Variants in PLA2G5 observed in about 807,000 individuals in gnomAD.
PLA2G5 encodes phospholipase A2 group V, also known as Ca2+-dependent phospholipase A2.
A neutral mutation model predicts 15.9 loss-of-function variants in PLA2G5; 12 were observed. The ratio of observed to expected loss-of-function variants is 0.76; its 90% confidence interval spans 0.48 to 1.23. The LOEUF (loss-of-function observed/expected upper bound fraction) is 1.23. Ranked by LOEUF, PLA2G5 falls within the 50% of genes most tolerant of loss-of-function variation. The probability of loss-of-function intolerance (pLI) is 0.00; values close to 1 mark genes in which losing one functional copy is unlikely to be tolerated. For missense variants in PLA2G5, 169 were observed against 177.1 expected, an observed-to-expected ratio of 0.95 and a Z score of 0.26; for synonymous variants, 71 against 71.4, an observed-to-expected ratio of 0.99 and a Z score of 0.03.
At chr1:20,028,849 G>C (rs2012709216) in intron 1 of PLA2G5, 1 of 152,268 alleles carries the variant, frequency 6.6e-6, no homozygotes. Flanking sequence ...CCCCTTGCAG[G>C]GTGTGCGATG....
At chr1:20,082,517 C>A (rs962604059) in intron 1 of PLA2G5, among the ~76,000 whole-genome samples, 4 of 151,942 alleles carry the variant, frequency 2.6e-5, no homozygotes, top group African/African-American at 9.7e-5. Flanking sequence ...TGCTGATCAC[C>A]TGCTTCAGGT....
intron 1 of PLA2G5, among the ~76,000 whole-genome samples, chr1:20,052,131 G>T (rs541068153): frequency 7.2e-6 from 1 of 138,588 alleles, no homozygotes. Flanking sequence ...CCGAGATCGC[G>T]CCACTGCACT....
chr1:20,030,231 T>C (rs1298788916), intron 1 of PLA2G5, among the ~76,000 whole-genome samples: 1 of 151,518 alleles, frequency 6.6e-6, no homozygotes, highest in Non-Finnish European at 1.5e-5. Context: ...ACTATCTCGG[T>C]GAGGGGGATG....
intron 1 of PLA2G5, among the ~76,000 whole-genome samples, chr1:20,077,389 G>A (rs1156390279): frequency 6.6e-6 from 1 of 152,168 alleles, no homozygotes; most frequent in Non-Finnish European, 1.5e-5. Flanking sequence ...ATCCATCTCT[G>A]TGTAATCATA....
chr1:20,089,096 C>T (rs1364052904), intron 3 of PLA2G5, among the ~76,000 whole-genome samples: 10 of 152,226 alleles, frequency 6.6e-5, no homozygotes, highest in Admixed American at 6.5e-4. Context: ...CCACCGCGCC[C>T]AGCTGCGATC....
intron 1 of PLA2G5, among the ~76,000 whole-genome samples, chr1:20,077,460 T>C (rs1416660977): frequency 6.6e-6 from 1 of 152,180 alleles, no homozygotes; most frequent in East Asian, 1.9e-4. Flanking sequence ...AGTCGTGCAT[T>C]CACTCAGCAA....
intron 1 of PLA2G5, among the ~76,000 whole-genome samples, chr1:20,036,985 T>A (rs1179535732): frequency 6.6e-6 from 1 of 152,170 alleles, no homozygotes; most frequent in Non-Finnish European, 1.5e-5. Context: ...TTCTTTAAGT[T>A]GGTTTTCACC....
chr1:20,035,758 T>C (rs2013210057), intron 1 of PLA2G5, among the ~76,000 whole-genome samples: 1 of 152,212 alleles, frequency 6.6e-6, no homozygotes, highest in African/African-American at 2.4e-5. Context: ...ATTCAGTTTG[T>C]TGTGCTAGAT....
At chr1:20,069,039 G>A (rs1243363866), upstream of PLA2G5, 2 of 783,380 alleles carry the variant, frequency 2.6e-6, no homozygotes, top group Admixed American at 2.3e-5. Context: ...TAAGGTGTGT[G>A]TAAAAATGCT....
intron 2 of PLA2G5, among the ~76,000 whole-genome samples, chr1:20,063,260 G>T (rs1036746371): frequency 6.6e-6 from 1 of 152,072 alleles, no homozygotes; most frequent in Non-Finnish European, 1.5e-5. Flanking sequence ...CAACAAATAG[G>T]TGCCCTGGTT....
intron 1 of PLA2G5, among the ~76,000 whole-genome samples, chr1:20,038,071 C>A (rs1201106433): frequency 1.3e-5 from 2 of 152,138 alleles, no homozygotes; most frequent in Non-Finnish European, 2.9e-5. Flanking sequence ...TCCCATGCAG[C>A]CAGCAAGACT....
chr1:20,050,850 GACCTA>G (rs970504409), intron 1 of PLA2G5, among the ~76,000 whole-genome samples: 3 of 149,590 alleles, frequency 2.0e-5, no homozygotes, highest in African/African-American at 7.6e-5. Flanking sequence ...GTCTTTTTCT[GACCTA>G]ATTAATTCTT....
intron 1 of PLA2G5, among the ~76,000 whole-genome samples, chr1:20,040,383 A>G (rs1046473875): frequency 6.6e-6 from 1 of 152,076 alleles, no homozygotes; most frequent in Non-Finnish European, 1.5e-5. Flanking sequence ...GTTTTAGCAC[A>G]TCCTACTTTC....
chr1:20,042,642 TTG>T (rs1236848087), intron 1 of PLA2G5, among the ~76,000 whole-genome samples: 1 of 152,086 alleles, frequency 6.6e-6, no homozygotes. Context: ...TAGGTTTACT[TTG>T]TGAGTTTATG....
Position 20,090,009 on chromosome 1 carries a change from A to T in PLA2G5, c.292+114A>T, listed in dbSNP as rs3738124. On this transcript the variant is annotated intron_variant, in intron 4 of 4. Coordinates refer to ENST00000375108, the MANE Select transcript of PLA2G5 (RefSeq NM_000929.3). ...TGGGGGAGGAGGAGTTGGGTGCAGA[A>T]CTGGGACGAGAGGAGCAGGATTATT... 162 of 714,220 alleles carry T rather than the reference A, an allele frequency of 2.3e-4. 1 individual carries two copies. In the East Asian group the frequency reaches 4.4e-3, roughly 19 times the overall value. The allele number at this position is 714,220 out of a possible 1,614,324, so 44.2% of individuals were successfully genotyped here.
chr1:20,077,223 C>T (rs974836811), intron 1 of PLA2G5, among the ~76,000 whole-genome samples: 1 of 152,184 alleles, frequency 6.6e-6, no homozygotes, highest in African/African-American at 2.4e-5. Flanking sequence ...GCTGGGGCAT[C>T]TTTAATCACC....
chr1:20,054,572 G>A (rs1337636558), intron 1 of PLA2G5, among the ~76,000 whole-genome samples: 1 of 150,848 alleles, frequency 6.6e-6, no homozygotes, highest in Non-Finnish European at 1.5e-5. Context: ...TTCAAAATAT[G>A]TTTAATGTTT....
chr1:20,041,117 C>T (rs72661063), intron 1 of PLA2G5, among the ~76,000 whole-genome samples: 51,689 of 152,098 alleles, frequency 0.34, 10,273 homozygotes, highest in Non-Finnish European at 0.45. Flanking sequence ...AAACCTGTCT[C>T]AGATATTCAG....
At chr1:20,045,982 C>T (rs1405629719) in intron 1 of PLA2G5, 1 of 152,034 alleles carries the variant, frequency 6.6e-6, no homozygotes, top group Non-Finnish European at 1.5e-5. Context: ...GTTTTACTTG[C>T]TTCCAACAAG....
Sources: allele counts gnomAD v4.1 joint callset (sites outside exome capture counted in the v4.1 genomes callset), GRCh38; gene constraint gnomAD v4.1.1; transcripts MANE v1.5; gene names NCBI Gene and HGNC (gene_info 2026-07-23, HGNC 2026-07-21).